COL22A1: variants seen among roughly 807,000 people sequenced by gnomAD.
COL22A1 encodes collagen type XXII alpha 1 chain.
In COL22A1, 221 loss-of-function variants were observed where a neutral mutation model predicts 248.9. That is an observed-to-expected ratio of 0.89 (90% CI 0.80 to 0.99). The LOEUF (loss-of-function observed/expected upper bound fraction) is 0.99. Among genes scored for constraint, COL22A1 ranks in the 50% least tolerant of loss-of-function variants. The pLI, the probability that COL22A1 is intolerant of heterozygous loss-of-function variation, is 0.00. For synonymous variants in COL22A1, 891 were observed against 793.4 expected (o/e 1.12, Z -2.07); for missense variants, 2,240 against 2,179.0 (o/e 1.03, Z -0.56).
intron 40 of COL22A1, 29 bp from the exon 41 acceptor site, chr8:138,676,664 A>G: frequency 6.7e-7 from 1 of 1,483,118 alleles, no homozygotes; most frequent in Non-Finnish European, 9.2e-7. Flanking sequence ...AAGATCAAGG[A>G]GGTCAGTGCC....
rs189729542 is a variant in COL22A1, at chr8:138,713,464, G to A, written c.2517+2218C>T. On this transcript the variant is annotated intron_variant, in intron 30 of 64. Transcript: ENST00000303045. ...AACTTGCAAAACATACTGAGTATAC[G>A]GAACCCATGATTTCCCCGCACGCTG... Among the ~76,000 whole-genome samples, 8 of 152,298 alleles carry A rather than the reference G, an allele frequency of 5.3e-5. No individual in the cohort carries two copies. The East Asian group carries it at 1.2e-3, about 22-fold the overall frequency.
At chr8:138,634,147 C>G (rs1162522612) in intron 49 of COL22A1, among the ~76,000 whole-genome samples, 2 of 152,196 alleles carry the variant, frequency 1.3e-5, no homozygotes, top group Non-Finnish European at 2.9e-5. Context: ...AATTAACACA[C>G]AGTTAACAAC....
At chr8:138,855,403 C>T (rs1821936769) in intron 3 of COL22A1, among the ~76,000 whole-genome samples, 2 of 152,228 alleles carry the variant, frequency 1.3e-5, no homozygotes, top group Non-Finnish European at 1.5e-5. Context: ...CAAGTGGCAG[C>T]AGTGTGGCTC....
At chr8:138,617,318 T>C (rs1819419453) in intron 53 of COL22A1, among the ~76,000 whole-genome samples, 1 of 152,124 alleles carries the variant, frequency 6.6e-6, no homozygotes, top group Non-Finnish European at 1.5e-5. Context: ...GCACGGCTCC[T>C]GAGTCAGGTG....
At chr8:138,786,966 C>T (rs1413509412) in intron 12 of COL22A1, among the ~76,000 whole-genome samples, 4 of 152,214 alleles carry the variant, frequency 2.6e-5, no homozygotes, top group African/African-American at 9.7e-5. Flanking sequence ...GCCTATTCAT[C>T]TTCCACCAGG....
chr8:138,887,898 G>C (rs1002736675), intron 1 of COL22A1, among the ~76,000 whole-genome samples: 1 of 152,180 alleles, frequency 6.6e-6, no homozygotes, highest in Non-Finnish European at 1.5e-5. Flanking sequence ...TGTTAGCATT[G>C]AGTATTATCA....
At chr8:138,592,041 T>C (rs4607616) in intron 63 of COL22A1, among the ~76,000 whole-genome samples, 63,039 of 152,156 alleles carry the variant, frequency 0.41, 19,129 homozygotes, top group African/African-American at 0.86. Flanking sequence ...TCAACACGCA[T>C]GTGGGCATGT....
At chr8:138,870,921 C>T (rs879334402) in intron 3 of COL22A1, among the ~76,000 whole-genome samples, 7 of 150,698 alleles carry the variant, frequency 4.6e-5, no homozygotes, top group East Asian at 3.9e-4. Flanking sequence ...CTGGTACGCA[C>T]GGTGTTTGTG....
At chr8:138,904,357 A>AC (rs1253354559) in intron 1 of COL22A1, among the ~76,000 whole-genome samples, 4 of 150,822 alleles carry the variant, frequency 2.7e-5, no homozygotes, top group African/African-American at 9.8e-5. Flanking sequence ...CACCCTTACC[A>AC]CCCGCCACCC....
intron 7 of COL22A1, among the ~76,000 whole-genome samples, chr8:138,819,767 C>G (rs1818955825): frequency 6.7e-6 from 1 of 150,198 alleles, no homozygotes; most frequent in South Asian, 2.1e-4. Flanking sequence ...TATTCACACA[C>G]ACACATACAT....
In COL22A1 at chr8:138,737,508, T is replaced by C. The variant is rs745338190; in HGVS notation, c.2139+16A>G. On this transcript the variant is annotated intron_variant, in intron 23 of 64. Coordinates refer to ENST00000303045, the MANE Select transcript of COL22A1 (RefSeq NM_152888.3). ...AAAGCAGCGTTGCTATGGAAGAGAA[T>C]GTAAAAGGTAGTTACCTGCAGCCCC... 2 of 1,583,774 alleles carry C rather than the reference T, an allele frequency of 1.3e-6. No individual in the cohort carries two copies. The highest frequency in any genetic ancestry group is 1.7e-6 in the Non-Finnish European group (2 of 1,152,568).
At position 138,598,153 on chromosome 8, in the gene COL22A1, G is replaced by C. The variant is rs374397925; in HGVS notation, c.4365+566C>G. Among the ~76,000 whole-genome samples the C allele has an allele frequency of 1.2e-4, 18 of 152,326 alleles. No individual in the cohort carries two copies. The East Asian group carries it at 2.3e-3, about 20-fold the overall frequency. On this transcript the variant is annotated intron_variant, in intron 61 of 64. Coordinates refer to ENST00000303045, the MANE Select transcript of COL22A1 (RefSeq NM_152888.3). ...TCATGAGATTGTGTAAAATGAAAGT[G>C]CTGCTACTAGAATAAAGGATGTTTA...
At chr8:138,752,696 G>A (rs1268758915) in intron 21 of COL22A1, among the ~76,000 whole-genome samples, 1 of 152,216 alleles carries the variant, frequency 6.6e-6, no homozygotes, top group Non-Finnish European at 1.5e-5. Context: ...GCCAGCATTT[G>A]GATGCAGAAT....
At position 138,836,455 on chromosome 8, in the gene COL22A1, A is replaced by C. The variant is rs904891832; in HGVS notation, c.734-3305T>G. On this transcript the variant is annotated intron_variant, in intron 4 of 64. Coordinates refer to ENST00000303045, the MANE Select transcript of COL22A1 (RefSeq NM_152888.3). ...TCTTGGAAAATCACTTTGAGTTTTA[A>C]ATGAGAAAATGTAGGAACATGCCTG... Among the ~76,000 whole-genome samples, 5 of 152,180 alleles carry C rather than the reference A, an allele frequency of 3.3e-5. No individual in the cohort carries two copies. In the South Asian group the frequency reaches 1.0e-3, roughly 32 times the overall value.
At chr8:138,656,079 G>T in intron 44 of COL22A1, 135 bp from the exon 45 acceptor site, 1 of 703,452 alleles carries the variant, frequency 1.4e-6, no homozygotes, top group Non-Finnish European at 2.4e-6. Flanking sequence ...GATACGGACA[G>T]CCCAGTGGAT....
chr8:138,594,236 C>G (rs750755891), intron 62 of COL22A1, 37 bp from the exon 63 acceptor site: 2 of 1,547,494 alleles, frequency 1.3e-6, no homozygotes, highest in African/African-American at 2.9e-5. Flanking sequence ...TCATGAAGAA[C>G]AGATAGTGGA....
At chr8:138,838,825 C>G (rs1249985489) in intron 4 of COL22A1, among the ~76,000 whole-genome samples, 1 of 152,168 alleles carries the variant, frequency 6.6e-6, no homozygotes, top group African/African-American at 2.4e-5. Context: ...CTCGCTGAAG[C>G]CAGGGAAGCC....
chr8:138,591,955 T>C (rs753586002), intron 63 of COL22A1, among the ~76,000 whole-genome samples: 1 of 152,216 alleles, frequency 6.6e-6, no homozygotes, highest in South Asian at 2.1e-4. Flanking sequence ...TCCTCTTATA[T>C]GTCTATGCTT....
chr8:138,639,580 A>G (rs1199758165), intron 47 of COL22A1, among the ~76,000 whole-genome samples: 2 of 152,242 alleles, frequency 1.3e-5, no homozygotes, highest in African/African-American at 4.8e-5. Flanking sequence ...GAAAATAAGG[A>G]AAGAAACTTC....
Sources: gnomAD v4.1 joint callset for allele counts (sites outside exome capture counted in the v4.1 genomes callset) on GRCh38, gnomAD v4.1.1 for gene constraint, MANE v1.5 for transcripts, NCBI Gene and HGNC (gene_info 2026-07-23, HGNC 2026-07-21) for gene names.